PRICKLE2: variants seen among roughly 807,000 people sequenced by gnomAD.
The protein encoded by PRICKLE2 is prickle planar cell polarity protein 2, also known as prickle-like protein 2.
In PRICKLE2, 21 loss-of-function variants were observed where a neutral mutation model predicts 81.4. The observed-to-expected ratio is 0.26, with a 90% confidence interval of 0.18 to 0.37. The LOEUF (loss-of-function observed/expected upper bound fraction) is 0.37, where lower values mean the gene tolerates loss of function less well. PRICKLE2 is among the 10% of genes least tolerant of loss of function. The pLI is 1.00. For synonymous variants in PRICKLE2, 456 were observed against 421.5 expected (o/e 1.08, Z -1.00); for missense variants, 940 against 1,109.0 (o/e 0.85, Z 2.16).
At chr3:64,138,665 C>T (rs1284548846) in intron 7 of PRICKLE2, among the ~76,000 whole-genome samples, 1 of 152,198 alleles carries the variant, frequency 6.6e-6, no homozygotes, top group East Asian at 1.9e-4. Flanking sequence ...TCTGACACTT[C>T]CAAACAAAAG....
chr3:64,223,165 A>G (rs2107151631), intron 1 of PRICKLE2, among the ~76,000 whole-genome samples: 2 of 152,358 alleles, frequency 1.3e-5, no homozygotes, highest in Non-Finnish European at 2.9e-5. Context: ...TTTTTTAGCA[A>G]CAACACTTAT....
chr3:64,149,137 G>A lies in PRICKLE2; in HGVS notation c.788-1435C>T, dbSNP rs554052057. ...AGCCTGGCCACACTGCGTACTAAGG[G>A]AGCCTCCCACAGCCCCAGGGGTTCT... On this transcript the variant is annotated intron_variant, in intron 6 of 7. Transcript: ENST00000638394. Among the ~76,000 whole-genome samples the A allele has an allele frequency of 1.2e-4, 19 of 152,282 alleles. No homozygotes were observed. The South Asian group carries it at 3.9e-3, about 32-fold the overall frequency.
At chr3:64,234,134 A>G (rs549014934) in intron 2 of PRICKLE2, among the ~76,000 whole-genome samples, 14 of 152,234 alleles carry the variant, frequency 9.2e-5, no homozygotes, top group African/African-American at 3.1e-4. Context: ...ACATTCACGT[A>G]TAAGTTTTTG....
chr3:64,151,843 T>C (rs2077552628), intron 6 of PRICKLE2, among the ~76,000 whole-genome samples: 1 of 152,184 alleles, frequency 6.6e-6, no homozygotes, highest in Non-Finnish European at 1.5e-5. Context: ...AGCTCCTGGG[T>C]ACTGAGTTGA....
intron 7 of PRICKLE2, among the ~76,000 whole-genome samples, chr3:64,117,616 A>G (rs2076956730): frequency 1.3e-5 from 2 of 152,180 alleles, no homozygotes; most frequent in African/African-American, 4.8e-5. Context: ...CACAAAAAGA[A>G]TACATTACCT....
chr3:64,228,395 A>C (rs1369459472), upstream of PRICKLE2, among the ~76,000 whole-genome samples: 1 of 152,190 alleles, frequency 6.6e-6, no homozygotes, highest in Non-Finnish European at 1.5e-5. Context: ...TTGCCAGCAC[A>C]CGCTCTGTGA....
intron 1 of PRICKLE2, among the ~76,000 whole-genome samples, chr3:64,210,772 C>T (rs909935838): frequency 2.6e-5 from 4 of 152,150 alleles, no homozygotes; most frequent in Admixed American, 6.5e-5. Context: ...TGCTTGGAAA[C>T]ATATAATTTA....
In PRICKLE2 at chr3:64,096,653, T is replaced by A. The variant is rs2076576207; in HGVS notation, c.*2398A>T. On this transcript the variant is annotated 3_prime_UTR_variant, in exon 8 of 8. Coordinates refer to ENST00000638394, the MANE Select transcript of PRICKLE2 (RefSeq NM_198859.4). ...TCTGAGCAGTTCAGTGCCTGGATGCTCTCTGGGCATCTAGACTTATGCCTC... is the reference window on the plus strand; with the variant it reads ...TCTGAGCAGTTCAGTGCCTGGATGCACTCTGGGCATCTAGACTTATGCCTC... The A allele has an allele frequency of 6.6e-6, 1 of 152,350 alleles. No individual in the cohort carries two copies. The highest frequency in any genetic ancestry group is 6.5e-5 in the Admixed American group (1 of 15,280). The allele number at this position is 152,350 out of a possible 1,614,324, so 9.4% of individuals were successfully genotyped here. A position where few individuals can be genotyped will look rare whatever the true frequency, so the allele number is the denominator to read the frequency against.
intron 2 of PRICKLE2, among the ~76,000 whole-genome samples, chr3:64,247,858 C>T (rs1462297776): frequency 6.6e-6 from 1 of 152,170 alleles, no homozygotes; most frequent in Non-Finnish European, 1.5e-5. Context: ...GCCTCAAACA[C>T]AAGTGGTTGT....
chr3:64,158,431 A>ATATAACC (rs1462492496), intron 4 of PRICKLE2, among the ~76,000 whole-genome samples: 2 of 152,180 alleles, frequency 1.3e-5, no homozygotes, highest in African/African-American at 4.8e-5. Flanking sequence ...ACATAATCCT[A>ATATAACC]TATAACCCTC....
chr3:64,227,725 G>C (rs1322950039), upstream of PRICKLE2, among the ~76,000 whole-genome samples: 1 of 152,140 alleles, frequency 6.6e-6, no homozygotes, highest in Non-Finnish European at 1.5e-5. Context: ...GCCATTGGGA[G>C]AATCCAATGA....
intron 1 of PRICKLE2, among the ~76,000 whole-genome samples, chr3:64,203,734 C>A (rs1055874648): frequency 6.6e-6 from 1 of 151,336 alleles, no homozygotes; most frequent in East Asian, 2.0e-4. Flanking sequence ...ACAAATAACT[C>A]GAGGTGGATG....
intron 7 of PRICKLE2, among the ~76,000 whole-genome samples, chr3:64,115,243 A>C (rs2076916139): frequency 6.6e-6 from 1 of 152,236 alleles, no homozygotes; most frequent in South Asian, 2.1e-4. Context: ...CCTCTGTAAA[A>C]ACACACTGAA....
intron 2 of PRICKLE2, among the ~76,000 whole-genome samples, chr3:64,191,765 G>T (rs2078344898): frequency 6.6e-6 from 1 of 152,192 alleles, no homozygotes; most frequent in Non-Finnish European, 1.5e-5. Context: ...AGAAAGTAGT[G>T]GAGTAGTAGA....
intron 3 of PRICKLE2, among the ~76,000 whole-genome samples, chr3:64,160,341 T>C (rs1575603780): frequency 6.6e-6 from 1 of 152,230 alleles, no homozygotes; most frequent in East Asian, 1.9e-4. Context: ...AGGTGCCTGC[T>C]CCTTATCCTG....
Position 64,146,926 on chromosome 3 carries a change from G to A in PRICKLE2, c.1564C>T (p.His522Tyr). 1 of 1,614,146 alleles carries A rather than the reference G, an allele frequency of 6.2e-7. No individual in the cohort carries two copies. Among genetic ancestry groups the A allele is most frequent in the East Asian group, 2.2e-5 (1 of 44,882 alleles). ...GTGTATTTCAGGGAACTGATGGGAT[G>A]ACGGGTCCGACACTGCTGAGTGGAC... ...GLSTQQCRTR[H>Y]PISSLKYTED... The change falls in exon 7 of 8, where the codon CAT becomes TAT. Residue 522 changes from histidine to tyrosine, a missense_variant. His to Tyr is a moderately conservative substitution (Grantham distance 83, BLOSUM62 2). Around this residue, in one of 2 missense-constraint regions of PRICKLE2, gnomAD observed 670 missense variants for 717.2 expected, o/e 0.93. Transcript: ENST00000638394.
Position 64,150,637 on chromosome 3 carries a change from C to T in PRICKLE2, c.787+2545G>A, listed in dbSNP as rs939267882. On this transcript the variant is annotated intron_variant, in intron 6 of 7. Coordinates refer to ENST00000638394, the MANE Select transcript of PRICKLE2 (RefSeq NM_198859.4). ...GGGTCCTTTGGTGAGCTCTAATCAG[C>T]ACAGCATCCAGAGCAGCTGCGGCTA... Among the ~76,000 whole-genome samples the T allele has an allele frequency of 4.6e-5, 7 of 152,250 alleles. No individual in the cohort carries two copies. The East Asian group carries it at 1.2e-3, about 25-fold the overall frequency.
intron 7 of PRICKLE2, among the ~76,000 whole-genome samples, chr3:64,127,446 A>AT (rs975418723): frequency 1.3e-4 from 20 of 152,178 alleles, no homozygotes; most frequent in African/African-American, 4.3e-4. Flanking sequence ...TGGGCAAGGC[A>AT]TGGTGCTGGG....
rs748018197 is a variant in PRICKLE2 at position 64,099,278 on chromosome 3, C to T, written c.2308G>A (p.Ala770Thr). The T allele has an allele frequency of 6.2e-6, 10 of 1,614,172 alleles. No individual in the cohort carries two copies. Among genetic ancestry groups the T allele is most frequent in the Non-Finnish European group, 5.1e-6 (6 of 1,180,032 alleles). ...CAGGTGGAACACCAATCATACTCGG[C>T]GAAGTAGGGTCCCCAGCGGTCCCCA... ...AFGDRWGPYF[A>T]EYDWCSTCSS... Residue 770 changes from alanine to threonine, a missense_variant, in exon 8 of 8, where the codon GCC becomes ACC. This residue lies in a region of PRICKLE2 where 670 missense variants were observed against 717.2 expected (regional missense o/e 0.93). Transcript: ENST00000638394. This position sits in a 1 kb window ranked among gnomAD's most constrained non-coding sequence, Gnocchi z 4.3.
Sources: allele counts gnomAD v4.1 joint callset (sites outside exome capture counted in the v4.1 genomes callset), GRCh38; gene constraint gnomAD v4.1.1; regional missense constraint gnomAD v4.1.1; non-coding constraint Gnocchi (gnomAD v3.1); transcripts MANE v1.5; gene names NCBI Gene and HGNC (gene_info 2026-07-23, HGNC 2026-07-21).